SLC5A5: variants seen among roughly 807,000 people sequenced by gnomAD.
The protein encoded by SLC5A5 is solute carrier family 5 member 5, also known as sodium/iodide cotransporter.
SLC5A5 carries 56 observed loss-of-function variants against 68.6 expected under a neutral mutation model. The ratio of observed to expected loss-of-function variants is 0.82; its 90% CI spans 0.66 to 1.02. The LOEUF (loss-of-function observed/expected upper bound fraction) is 1.02, where lower values mean the gene tolerates loss of function less well. Among genes scored for constraint, SLC5A5 ranks in the 50% least tolerant of loss-of-function variants. SLC5A5 has a pLI of 0.00. For synonymous variants in SLC5A5, 398 were observed against 373.0 expected, an observed-to-expected ratio of 1.07 and a Z score of -0.77; for missense variants, 807 against 859.8, an observed-to-expected ratio of 0.94 and a Z score of 0.77.
At chr19:17,883,525 G>GA (rs1385880109) in intron 10 of SLC5A5, among the ~76,000 whole-genome samples, 156 bp from the exon 11 acceptor site, 5 of 152,098 alleles carry the variant, frequency 3.3e-5, no homozygotes, top group African/African-American at 9.6e-5. Flanking sequence ...AGGAACAAGG[G>GA]GGGGGGGTCC....
intron 14 of SLC5A5, among the ~76,000 whole-genome samples, chr19:17,892,675 A>AGAGAGAGAGAG (rs1353707393): frequency 6.6e-6 from 1 of 151,080 alleles, no homozygotes. Flanking sequence ...AGAGAGAGAG[A>AGAGAGAGAGAG]GAGAGAGAGA....
intron 13 of SLC5A5, among the ~76,000 whole-genome samples, chr19:17,889,631 C>T (rs1041170115): frequency 2.0e-5 from 3 of 152,094 alleles, no homozygotes; most frequent in African/African-American, 7.2e-5. Context: ...CGCCAACGTG[C>T]CCGGCTCACA....
intron 8 of SLC5A5, among the ~76,000 whole-genome samples, chr19:17,881,221 C>T (rs2094320030): frequency 6.6e-6 from 1 of 152,064 alleles, no homozygotes; most frequent in Admixed American, 6.6e-5. Flanking sequence ...CTTCCTTCCT[C>T]CCCAGACAAA....
At chr19:17,880,762 C>T (rs2094318828) in intron 7 of SLC5A5, 103 bp from the exon 8 acceptor site, 4 of 823,332 alleles carry the variant, frequency 4.9e-6, no homozygotes, top group Non-Finnish European at 8.6e-6. Flanking sequence ...CGACTCTGAG[C>T]CCTGTCCGTC....
chr19:17,893,635 C>T, intron 14 of SLC5A5, 78 bp from the exon 15 acceptor site: 1 of 1,443,366 alleles, frequency 6.9e-7, no homozygotes, highest in Middle Eastern at 2.2e-4. Flanking sequence ...ATCAGTAGCC[C>T]ATCTGGGAGA....
intron 4 of SLC5A5, among the ~76,000 whole-genome samples, 192 bp downstream of exon 4, chr19:17,874,923 A>G (rs1052669303): frequency 6.6e-6 from 1 of 152,170 alleles, no homozygotes; most frequent in African/African-American, 2.4e-5. Context: ...AGCTTCAGGC[A>G]TGGCTGGATC....
At chr19:17,889,777 A>G (rs150551448) in intron 13 of SLC5A5, among the ~76,000 whole-genome samples, 1 of 152,306 alleles carries the variant, frequency 6.6e-6, no homozygotes, top group East Asian at 1.9e-4. Flanking sequence ...AGTAGAGGAT[A>G]TGGGTTGGGG....
intron 12 of SLC5A5, among the ~76,000 whole-genome samples, chr19:17,887,299 T>G (rs572415904): frequency 6.6e-6 from 1 of 151,890 alleles, no homozygotes; most frequent in African/African-American, 2.4e-5. Context: ...TTTTTAATTC[T>G]TTTTTTTGGT....
chr19:17,888,259 A>G, intron 12 of SLC5A5, 72 bp from the exon 13 acceptor site: 1 of 1,582,056 alleles, frequency 6.3e-7, no homozygotes, highest in Non-Finnish European at 8.6e-7. Context: ...GCAGGGGGTG[A>G]GGTTGGAACA....
In SLC5A5 at chr19:17,878,195, G is replaced by A. The variant is rs1470148786; in HGVS notation, c.969+102G>A. 13 of 1,386,320 alleles carry A rather than the reference G, an allele frequency of 9.4e-6. No homozygotes were observed. The Admixed American group carries it at 1.4e-4, about 15-fold the overall frequency. 85.9% of individuals were successfully genotyped at this position (1,386,320 alleles called of 1,614,324 possible). ...TAGCAGAGGGAATGGCCTGTGCAAA[G>A]GCCAAGAAGTAGGAAAGAGCTGAGA... is the stretch of plus-strand genomic sequence containing the variant. On this transcript the variant is annotated intron_variant, in intron 7 of 14. Coordinates refer to ENST00000222248, the MANE Select transcript of SLC5A5 (RefSeq NM_000453.3).
chr19:17,879,881 T>C (rs539780676), intron 7 of SLC5A5, among the ~76,000 whole-genome samples: 1 of 151,592 alleles, frequency 6.6e-6, no homozygotes, highest in South Asian at 2.1e-4. Context: ...CTGAGGAACA[T>C]AGGGAGACCC....
Position 17,874,925 on chromosome 19 carries a change from G to C in SLC5A5, c.543+194G>C, listed in dbSNP as rs113288888. ...CTAGAGGTATGGTAGCTTCAGGCAT[G>C]GCTGGATCCAGGCTTCCACCTCTTC... On this transcript the variant is annotated intron_variant, in intron 4 of 14. Transcript: ENST00000222248. 8.7e-3 allele frequency among the ~76,000 whole-genome samples: 1,320 copies of C among 152,260 alleles called. 18 individuals carry two copies. The highest frequency in any genetic ancestry group is 0.03 in the African/African-American group (1,255 of 41,554).
At chr19:17,873,688 G>A (rs1322124800) in intron 1 of SLC5A5, among the ~76,000 whole-genome samples, 1 of 152,062 alleles carries the variant, frequency 6.6e-6, no homozygotes, top group Non-Finnish European at 1.5e-5. Flanking sequence ...CCTGGGAGGC[G>A]GAGGTTGCAG....
In SLC5A5 at chr19:17,875,970, G is replaced by A. The variant is rs1224460981; in HGVS notation, c.562G>A (p.Val188Ile). The A allele has an allele frequency of 2.5e-6, 4 of 1,614,054 alleles. No individual in the cohort carries two copies. In the African/African-American group the frequency reaches 4.0e-5, roughly 16 times the overall value. ...GCTGCAGGGCGGCATGAAGGCTGTGGTCTGGACTGATGTGTTCCAGGTCGT... is the reference window on the plus strand; with the variant it reads ...GCTGCAGGGCGGCATGAAGGCTGTGATCTGGACTGATGTGTTCCAGGTCGT... ...YTAVGGMKAV[V>I]WTDVFQVVVM... Residue 188 changes from valine to isoleucine, a missense_variant, in exon 5 of 15, where the codon GTC (valine) becomes ATC (isoleucine). Coordinates refer to ENST00000222248, the MANE Select transcript of SLC5A5 (RefSeq NM_000453.3).
intron 7 of SLC5A5, 145 bp downstream of exon 7, chr19:17,878,238 G>T: frequency 3.1e-6 from 3 of 965,326 alleles, no homozygotes; most frequent in Admixed American, 2.0e-5. Flanking sequence ...AGGTGCGGCG[G>T]CTCATGCCTG....
intron 1 of SLC5A5, 66 bp from the exon 2 acceptor site, chr19:17,874,072 A>AG: frequency 8.7e-7 from 1 of 1,144,068 alleles, no homozygotes. Flanking sequence ...AGAGCAGACC[A>AG]GGGACCCGAG....
chr19:17,874,373 C>G, intron 2 of SLC5A5, 121 bp from the exon 3 acceptor site: 1 of 1,106,042 alleles, frequency 9.0e-7, no homozygotes, highest in Non-Finnish European at 1.4e-6. Flanking sequence ...CCCGCCTGCA[C>G]TCTGGAAGAC....
intron 1 of SLC5A5, among the ~76,000 whole-genome samples, chr19:17,873,430 G>A (rs886956510): frequency 4.6e-5 from 7 of 151,786 alleles, no homozygotes; most frequent in Admixed American, 1.3e-4. Flanking sequence ...ACTCCAGCCT[G>A]GGCGACAGAG....
chr19:17,876,319 T>TGAA (rs896882564), intron 5 of SLC5A5, among the ~76,000 whole-genome samples: 8 of 150,698 alleles, frequency 5.3e-5, no homozygotes, highest in Admixed American at 4.6e-4. Flanking sequence ...CCCAGGTAGT[T>TGAA]GAGAGGCTGA....
Sources: allele counts gnomAD v4.1 joint callset (sites outside exome capture counted in the v4.1 genomes callset), GRCh38; gene constraint gnomAD v4.1.1; transcripts MANE v1.5; gene names NCBI Gene and HGNC (gene_info 2026-07-23, HGNC 2026-07-21).